The following THOC1 variants were observed in gnomAD, a reference collection of about 807,000 sequenced individuals.
THOC1 encodes THO complex 1.
Under a neutral mutation model 97.3 loss-of-function variants are expected in THOC1, and 29 were observed. That is an observed-to-expected ratio of 0.30 (90% CI 0.22 to 0.41). The LOEUF is 0.41. Ranked by LOEUF, THOC1 falls within the 10% of genes least tolerant of loss-of-function variation. The pLI, the probability that THOC1 is intolerant of heterozygous loss-of-function variation, is 1.00. For synonymous variants in THOC1, 255 were observed against 257.0 expected (o/e 0.99, Z 0.07); for missense variants, 529 against 761.9 (o/e 0.69, Z 3.60).
chr18:258,452 T>C (rs946560240), intron 7 of THOC1, among the ~76,000 whole-genome samples: 16 of 152,052 alleles, frequency 1.1e-4, no homozygotes, highest in African/African-American at 4.8e-5. Flanking sequence ...ATAAAATAAG[T>C]ATGAAAGAAA....
intron 9 of THOC1, among the ~76,000 whole-genome samples, chr18:249,332 G>C (rs1016093098): frequency 1.4e-4 from 21 of 152,080 alleles, no homozygotes; most frequent in Non-Finnish European, 2.9e-4. Flanking sequence ...ATTTACAACA[G>C]TAAGATTATA....
In THOC1 at chr18:223,512, A is replaced by G; in HGVS notation, c.1305-7T>C. 1 of 1,553,436 alleles carries G rather than the reference A, an allele frequency of 6.4e-7. No individual in the cohort carries two copies. The highest frequency in any genetic ancestry group is 1.2e-5 in the South Asian group (1 of 83,970). ...AAGCCTTGTTAACTCCTCACTACAA[A>G]ATAGACACAGAAATAAATACATTTT... On this transcript the variant is annotated splice_region_variant and splice_polypyrimidine_tract_variant and intron_variant, in intron 16 of 20. Coordinates refer to ENST00000261600, the MANE Select transcript of THOC1 (RefSeq NM_005131.3).
rs1911937595 is a variant in THOC1 at position 242,424 on chromosome 18, G to A, written c.918+3900C>T. Among the ~76,000 whole-genome samples, 3 of 145,634 alleles carry A rather than the reference G, an allele frequency of 2.1e-5. No homozygotes were observed. Among genetic ancestry groups the A allele is most frequent in the Admixed American group, 1.4e-4 (2 of 14,340 alleles). On this transcript the variant is annotated intron_variant, in intron 11 of 20. Coordinates refer to ENST00000261600, the MANE Select transcript of THOC1 (RefSeq NM_005131.3). This position sits in a 1 kb window ranked among gnomAD's most constrained non-coding sequence, Gnocchi z 4.5. ...ACCCAGGAGGTGGAAGTTACAGTGGGCCAAAAAAAAAGTGTCTCAAAAAAA... is the reference window on the plus strand; with the variant it reads ...ACCCAGGAGGTGGAAGTTACAGTGGACCAAAAAAAAAGTGTCTCAAAAAAA...
chr18:259,278 A>G lies in THOC1; in HGVS notation c.425-3T>C. 1 of 1,593,126 alleles carries G rather than the reference A, an allele frequency of 6.3e-7. No homozygotes were observed. The highest frequency in any genetic ancestry group is 1.1e-5 in the South Asian group (1 of 87,618). ...TTTAGACAATCTTCTTAGGAGATCT[A>G]ACAATATATGAAAATGAACGTTACA... On this transcript the variant is annotated splice_polypyrimidine_tract_variant and splice_region_variant and intron_variant, in intron 6 of 20. Transcript: ENST00000261600.
chr18:261,193 T>C (rs906365370), intron 4 of THOC1: 1 of 152,192 alleles, frequency 6.6e-6, no homozygotes, highest in Non-Finnish European at 1.5e-5. Context: ...AAGGTCTACG[T>C]AGTCTATCTA....
chr18:254,139 T>A lies in THOC1; in HGVS notation c.603+134A>T. ...GTTGTCCAGGCTGGTCTTGAACTCC[T>A]AGGCTCAAGCGATCTGCCCACCTCA... is the stretch of plus-strand genomic sequence containing the variant. On this transcript the variant is annotated intron_variant, in intron 8 of 20. Coordinates refer to ENST00000261600, the MANE Select transcript of THOC1 (RefSeq NM_005131.3). The surrounding 1 kb of genome is among the most constrained non-coding windows in gnomAD (Gnocchi z 4.1). 1 of 644,444 alleles carries A rather than the reference T, an allele frequency of 1.6e-6. No individual in the cohort carries two copies. The highest frequency in any genetic ancestry group is 2.8e-6 in the Non-Finnish European group (1 of 362,546). 39.9% of individuals were successfully genotyped at this position (644,444 alleles called of 1,614,324 possible). A position where few individuals can be genotyped will look rare whatever the true frequency, so the allele number is the denominator to read the frequency against.
intron 11 of THOC1, among the ~76,000 whole-genome samples, chr18:235,306 A>G (rs1397585123): frequency 6.6e-6 from 1 of 152,012 alleles, no homozygotes; most frequent in Non-Finnish European, 1.5e-5. Context: ...TTTCAAAGAA[A>G]CACTTTCAGT....
chr18:255,104 A>ACT (rs753217607), intron 7 of THOC1, among the ~76,000 whole-genome samples: 2 of 151,644 alleles, frequency 1.3e-5, no homozygotes, highest in South Asian at 2.1e-4. Context: ...CGTTCCCATG[A>ACT]CTCTCTCTCT....
chr18:217,109 G>A (rs758107200), intron 18 of THOC1, among the ~76,000 whole-genome samples: 1 of 152,190 alleles, frequency 6.6e-6, no homozygotes. Context: ...GCAATGCTGC[G>A]GAAGAAACCA....
intron 11 of THOC1, among the ~76,000 whole-genome samples, chr18:238,957 A>C (rs944943887): frequency 9.2e-5 from 14 of 152,232 alleles, no homozygotes; most frequent in Admixed American, 5.2e-4. Flanking sequence ...ACAAATATAG[A>C]ATTTTAATAA....
intron 11 of THOC1, among the ~76,000 whole-genome samples, chr18:241,592 A>G (rs928050521): frequency 6.6e-6 from 1 of 152,186 alleles, no homozygotes; most frequent in African/African-American, 2.4e-5. Flanking sequence ...TGAGTCTCAG[A>G]TGGAAAGTGA....
At chr18:220,569 T>C (rs907839068) in intron 17 of THOC1, among the ~76,000 whole-genome samples, 1 of 152,160 alleles carries the variant, frequency 6.6e-6, no homozygotes, top group African/African-American at 2.4e-5. Context: ...TCTTATAAAA[T>C]CTGGGTATTT....
intron 18 of THOC1, among the ~76,000 whole-genome samples, chr18:218,665 A>G (rs1390387952): frequency 6.6e-6 from 1 of 151,756 alleles, no homozygotes; most frequent in Non-Finnish European, 1.5e-5. Context: ...TTTTTTTCTT[A>G]TATTTTGAAA....
chr18:216,664 A>G (rs767662761), intron 18 of THOC1, 31 bp from the exon 19 acceptor site: 8 of 1,598,258 alleles, frequency 5.0e-6, no homozygotes, highest in Non-Finnish European at 6.0e-6. Flanking sequence ...CTTGTAATTT[A>G]TAGCTTTGTA....
Position 231,242 on chromosome 18 carries a change from C to T in THOC1, c.919-4341G>A, listed in dbSNP as rs143352936. 3.6e-3 allele frequency among the ~76,000 whole-genome samples: 542 copies of T among 152,322 alleles called. 1 individual carries two copies. The highest frequency in any genetic ancestry group is 0.012 in the African/African-American group (505 of 41,580). On this transcript the variant is annotated intron_variant, in intron 11 of 20. Transcript: ENST00000261600. ...GGAACTTCAGGCATACATCACTGGA[C>T]TAGGCTACTGTCCTTAGCTTTTATG...
intron 11 of THOC1, among the ~76,000 whole-genome samples, chr18:233,159 A>G (rs927080375): frequency 6.6e-6 from 1 of 152,210 alleles, no homozygotes; most frequent in Non-Finnish European, 1.5e-5. Flanking sequence ...GTTTTCTTCT[A>G]AATGTTTAAA....
chr18:225,190 G>T, intron 13 of THOC1, 51 bp from the exon 14 acceptor site: 1 of 1,541,420 alleles, frequency 6.5e-7, no homozygotes, highest in South Asian at 1.2e-5. Context: ...TGCATCATAG[G>T]AGTGGTTTGT....
intron 11 of THOC1, among the ~76,000 whole-genome samples, chr18:235,780 T>C (rs191802998): frequency 7.4e-4 from 113 of 152,324 alleles, no homozygotes; most frequent in African/African-American, 2.6e-3. Context: ...TGGTCAAATT[T>C]TGTGAATGTT....
chr18:256,445 T>C (rs537635753), intron 7 of THOC1, among the ~76,000 whole-genome samples: 9 of 152,268 alleles, frequency 5.9e-5, no homozygotes, highest in African/African-American at 2.2e-4. Flanking sequence ...CAATTAGAAG[T>C]GGAGCCTGAA....
Sources: allele counts gnomAD v4.1 joint callset (sites outside exome capture counted in the v4.1 genomes callset), GRCh38; gene constraint gnomAD v4.1.1; non-coding constraint Gnocchi (gnomAD v3.1); transcripts MANE v1.5; gene names NCBI Gene and HGNC (gene_info 2026-07-23, HGNC 2026-07-21).